OPN5: variants seen among roughly 807,000 people sequenced by gnomAD.
The protein encoded by OPN5 is opsin-5.
In OPN5, 18 loss-of-function variants were observed where a neutral mutation model predicts 41.7. The ratio of observed to expected loss-of-function variants is 0.43; its 90% CI spans 0.30 to 0.64. The LOEUF (loss-of-function observed/expected upper bound fraction) is 0.64. Ranked by LOEUF, OPN5 falls within the 30% of genes least tolerant of loss-of-function variation. OPN5 has a pLI of 0.13. For missense variants in OPN5, 318 were observed against 434.5 expected (o/e 0.73, Z 2.38); for synonymous variants, 178 against 164.3 (o/e 1.08, Z -0.64).
intron 3 of OPN5, among the ~76,000 whole-genome samples, chr6:47,794,111 C>T (rs916198088): frequency 2.6e-5 from 4 of 152,104 alleles, no homozygotes; most frequent in African/African-American, 9.7e-5. Flanking sequence ...GCAAAGCAGG[C>T]CCCTTACATT....
intron 4 of OPN5, among the ~76,000 whole-genome samples, chr6:47,800,437 TG>T (rs1773725379): frequency 6.6e-6 from 1 of 152,184 alleles, no homozygotes; most frequent in Non-Finnish European, 1.5e-5. Context: ...GGGGTCCAGG[TG>T]GAGCTATGAG....
Position 47,795,209 on chromosome 6 carries a change from T to C in OPN5, c.422-20T>C. 6.4e-7 allele frequency: 1 copy of C among 1,554,598 alleles called. No individual in the cohort carries two copies. Among genetic ancestry groups the C allele is most frequent in the Non-Finnish European group, 8.7e-7 (1 of 1,148,604 alleles). ...TGTAGGGCAGATTACATCCGGGTAA[T>C]GCTTTTCTTCCGCCTCCAGGGGTTT... On this transcript the variant is annotated intron_variant, in intron 3 of 6. Coordinates refer to ENST00000371211, the Ensembl canonical transcript of OPN5.
intron 2 of OPN5, 71 bp from the exon 3 acceptor site, chr6:47,791,731 C>T: frequency 7.5e-7 from 1 of 1,337,962 alleles, no homozygotes; most frequent in Non-Finnish European, 1.1e-6. Flanking sequence ...GGAGGAGGTT[C>T]AGGTGAGTTG....
At chr6:47,798,537 A>G (rs890387506) in intron 4 of OPN5, among the ~76,000 whole-genome samples, 2 of 151,166 alleles carry the variant, frequency 1.3e-5, no homozygotes, top group African/African-American at 2.4e-5. Flanking sequence ...TTACATATAT[A>G]TGTATATTCT....
rs3031322 is a variant in OPN5, at chr6:47,805,424, T to TTGTG, written c.757-2711_757-2708dup. Among the ~76,000 whole-genome samples, 18 of 150,470 alleles carry TTGTG rather than the reference T, an allele frequency of 1.2e-4. No homozygotes were observed. The South Asian group carries it at 3.2e-3, about 26-fold the overall frequency. ...ATGGAAAAAAAATTGATATTATTAA[T>TTGTG]TGTGTGTGTGTGTGTGTGTGTGCTG... On this transcript the variant is annotated intron_variant, in intron 4 of 6. Coordinates refer to ENST00000371211, the Ensembl canonical transcript of OPN5.
chr6:47,808,495 C>A, intron 5 of OPN5, 100 bp downstream of exon 5: 1 of 1,321,738 alleles, frequency 7.6e-7, no homozygotes, highest in Non-Finnish European at 1.1e-6. Flanking sequence ...GGTTAAAGCT[C>A]ATCGCCTAGG....
chr6:47,805,347 A>T (rs1773918536), intron 4 of OPN5, among the ~76,000 whole-genome samples: 1 of 152,058 alleles, frequency 6.6e-6, no homozygotes, highest in Non-Finnish European at 1.5e-5. Context: ...CATGCAGGAG[A>T]TCTGGGCTCA....
intron 6 of OPN5, among the ~76,000 whole-genome samples, chr6:47,816,579 T>C (rs773722543): frequency 2.0e-5 from 3 of 152,146 alleles, no homozygotes; most frequent in Non-Finnish European, 2.9e-5. Flanking sequence ...TGGGGCAGTG[T>C]GGATTACAAC....
At chr6:47,798,036 T>C (rs1444046921) in intron 4 of OPN5, among the ~76,000 whole-genome samples, 1 of 151,656 alleles carries the variant, frequency 6.6e-6, no homozygotes, top group East Asian at 2.0e-4. Context: ...TCAAATAGGC[T>C]TGCCCTAGAT....
chr6:47,825,171 G>C (rs1762755759), downstream of OPN5: 1 of 152,134 alleles, frequency 6.6e-6, no homozygotes. Context: ...GTGACAGGTA[G>C]GTTAGTTATC....
intron 5 of OPN5, among the ~76,000 whole-genome samples, chr6:47,808,938 T>A (rs1409020829): frequency 6.6e-6 from 1 of 152,164 alleles, no homozygotes; most frequent in Non-Finnish European, 1.5e-5. Context: ...GAGGTTCAAG[T>A]AAGGTTAAAG....
intron 3 of OPN5, among the ~76,000 whole-genome samples, chr6:47,794,113 C>G (rs772186678): frequency 1.3e-5 from 2 of 152,094 alleles, no homozygotes; most frequent in African/African-American, 2.4e-5. Flanking sequence ...AAAGCAGGCC[C>G]CTTACATTAT....
chr6:47,792,495 T>A lies in OPN5; in HGVS notation c.421+523T>A, dbSNP rs1042959462. Among the ~76,000 whole-genome samples the A allele has an allele frequency of 7.2e-5, 11 of 152,366 alleles. No homozygotes were observed. In the East Asian group the frequency reaches 2.1e-3, roughly 29 times the overall value. ...GTAGAAATATCACTCAACATATTTT[T>A]TTTTGTGGTGTTGGTTGGTAGAAAG... On this transcript the variant is annotated intron_variant, in intron 3 of 6. Coordinates refer to ENST00000371211, the Ensembl canonical transcript of OPN5.
intron 6 of OPN5, among the ~76,000 whole-genome samples, chr6:47,822,097 G>A (rs567585418): frequency 1.3e-3 from 186 of 143,880 alleles, no homozygotes; most frequent in African/African-American, 4.5e-3. Context: ...GGGTGACAGT[G>A]AGACTCTGTC....
At chr6:47,798,140 G>A (rs919229466) in intron 4 of OPN5, among the ~76,000 whole-genome samples, 1 of 151,698 alleles carries the variant, frequency 6.6e-6, no homozygotes, top group Non-Finnish European at 1.5e-5. Context: ...TGATATTATA[G>A]CACATAATAT....
chr6:47,806,617 T>C (rs1773977110), intron 4 of OPN5, among the ~76,000 whole-genome samples: 1 of 152,198 alleles, frequency 6.6e-6, no homozygotes. Flanking sequence ...AGCAGCGCTC[T>C]CATCATATTT....
At chr6:47,817,995 T>G (rs1265622476) in intron 6 of OPN5, among the ~76,000 whole-genome samples, 1 of 152,086 alleles carries the variant, frequency 6.6e-6, no homozygotes, top group African/African-American at 2.4e-5. Context: ...AGCTGTTGGG[T>G]GAGTCAGCAT....
intron 4 of OPN5, among the ~76,000 whole-genome samples, chr6:47,800,398 G>A (rs1046187917): frequency 1.3e-5 from 2 of 152,252 alleles, no homozygotes; most frequent in Middle Eastern, 3.4e-3. Context: ...CTTGAGCTGC[G>A]TCTGCCCAGG....
chr6:47,824,231 AACCC>A (rs1179263520), exon 7 of OPN5: 1 of 557,824 alleles, frequency 1.8e-6, no homozygotes, highest in Non-Finnish European at 3.2e-6. Flanking sequence ...GAGTGCCAGA[AACCC>A]ACGCTTTAAA....
Sources: gnomAD v4.1 joint callset for allele counts (sites outside exome capture counted in the v4.1 genomes callset) on GRCh38, gnomAD v4.1.1 for gene constraint, MANE v1.5 for transcripts, NCBI Gene and HGNC (gene_info 2026-07-23, HGNC 2026-07-21) for gene names.